Variants in LRRIQ3 observed in about 807,000 individuals in gnomAD.
LRRIQ3 encodes leucine-rich repeat and IQ domain-containing protein 3.
LRRIQ3 carries 75 observed loss-of-function variants against 59.3 expected under a neutral mutation model. The observed-to-expected ratio is 1.26, with a 90% CI of 1.05 to 1.53. The LOEUF (loss-of-function observed/expected upper bound fraction) is 1.53, where lower values mean the gene tolerates loss of function less well. Among genes scored for constraint, LRRIQ3 ranks in the 40% most tolerant of loss-of-function variants. The pLI, the probability that LRRIQ3 is intolerant of heterozygous loss-of-function variation, is 0.00. For synonymous variants in LRRIQ3, 250 were observed against 231.3 expected, an observed-to-expected ratio of 1.08 and a Z score of -0.73; for missense variants, 831 against 710.0, an observed-to-expected ratio of 1.17 and a Z score of -1.94.
chr1:74,147,188 C>T (rs954970375), intron 4 of LRRIQ3, among the ~76,000 whole-genome samples: 1 of 152,138 alleles, frequency 6.6e-6, no homozygotes, highest in African/African-American at 2.4e-5. Flanking sequence ...TAGATAACAC[C>T]ACTGCAGTCC....
chr1:74,153,505 A>C (rs899271980), intron 4 of LRRIQ3, among the ~76,000 whole-genome samples: 20 of 152,148 alleles, frequency 1.3e-4, no homozygotes, highest in Non-Finnish European at 2.9e-5. Context: ...CTTTCCATGC[A>C]TGAATCCAGA....
At chr1:74,118,378 ATCAC>A (rs1411127618) in intron 4 of LRRIQ3, among the ~76,000 whole-genome samples, 9 of 152,166 alleles carry the variant, frequency 5.9e-5, no homozygotes, top group South Asian at 2.1e-4. Flanking sequence ...CATTTCTGAA[ATCAC>A]TCAAATTAAA....
intron 5 of LRRIQ3, chr1:74,084,329 T>A: frequency 9.1e-7 from 1 of 1,100,054 alleles, no homozygotes; most frequent in Non-Finnish European, 1.3e-6. Flanking sequence ...TGGAGGACAG[T>A]GAGCTCAAGA....
chr1:74,083,223 T>C (rs528383426), intron 5 of LRRIQ3: 1 of 151,770 alleles, frequency 6.6e-6, no homozygotes, highest in South Asian at 2.1e-4. Flanking sequence ...TCAGTACAAA[T>C]CTTAGTCTGT....
rs1438249589 is a variant in LRRIQ3 at position 74,063,147 on chromosome 1, AC to A, written c.997+11513del. Among the ~76,000 whole-genome samples, 212 of 151,342 alleles carry A rather than the reference AC, an allele frequency of 1.4e-3. 1 individual carries two copies. The highest frequency in any genetic ancestry group is 2.1e-3 in the East Asian group (11 of 5,166). On this transcript the variant is annotated intron_variant, in intron 6 of 7. Transcript: ENST00000354431. ...AACAACAACAACAACAACAACAACAACAACAAAACGAGGAAGGGTGTTTCCT... is the reference window on the plus strand; with the variant it reads ...AACAACAACAACAACAACAACAACAAAACAAAACGAGGAAGGGTGTTTCCT...
chr1:74,055,571 A>G (rs1319863394), intron 6 of LRRIQ3, among the ~76,000 whole-genome samples: 1 of 152,150 alleles, frequency 6.6e-6, no homozygotes, highest in Admixed American at 6.6e-5. Flanking sequence ...CATATTCATT[A>G]TATGCCCAGG....
chr1:74,191,072 G>C (rs1010185236), intron 1 of LRRIQ3, among the ~76,000 whole-genome samples: 1 of 152,082 alleles, frequency 6.6e-6, no homozygotes, highest in Admixed American at 6.6e-5. Context: ...TGTTGAGTGT[G>C]TCTTTATCAG....
chr1:74,138,018 C>A lies in LRRIQ3; in HGVS notation c.707+17715G>T, dbSNP rs180933657. ...ATGATGGGTTGGTGGGTGCAGCAAA[C>A]CACCATGGCACGTGTATACCTGTAT... On this transcript the variant is annotated intron_variant, in intron 4 of 7. Coordinates refer to ENST00000354431, the MANE Select transcript of LRRIQ3 (RefSeq NM_001105659.2). Among the ~76,000 whole-genome samples, 186 of 151,808 alleles carry A rather than the reference C, an allele frequency of 1.2e-3. 2 individuals are homozygous for A. The highest frequency in any genetic ancestry group is 4.4e-3 in the African/African-American group (182 of 41,392).
At chr1:74,038,967 A>G (rs751322284) in intron 7 of LRRIQ3, among the ~76,000 whole-genome samples, 4 of 152,236 alleles carry the variant, frequency 2.6e-5, no homozygotes, top group Admixed American at 6.5e-5. Context: ...AACTGGACAG[A>G]GGATGAGATG....
intron 4 of LRRIQ3, among the ~76,000 whole-genome samples, chr1:74,115,449 G>A (rs780029414): frequency 6.6e-6 from 1 of 152,028 alleles, no homozygotes; most frequent in Non-Finnish European, 1.5e-5. Flanking sequence ...ATGAACTACT[G>A]GCTGGAGGAA....
chr1:74,159,694 T>C (rs563100655), intron 3 of LRRIQ3, among the ~76,000 whole-genome samples: 1 of 152,258 alleles, frequency 6.6e-6, no homozygotes, highest in Admixed American at 6.5e-5. Flanking sequence ...ACCTAGATTA[T>C]CCACATAGCT....
At chr1:74,195,629 C>A (rs566692267) in intron 1 of LRRIQ3, among the ~76,000 whole-genome samples, 3 of 152,250 alleles carry the variant, frequency 2.0e-5, no homozygotes, top group East Asian at 3.9e-4. Context: ...ATAAAAAGCC[C>A]AAATGCCTCC....
At chr1:74,155,284 A>C (rs916406851) in intron 4 of LRRIQ3, among the ~76,000 whole-genome samples, 1 of 152,248 alleles carries the variant, frequency 6.6e-6, no homozygotes. Flanking sequence ...AATTCTAGCA[A>C]AAAGGTTTCC....
rs114953641 is a variant in LRRIQ3 at position 74,138,695 on chromosome 1, A to T, written c.707+17038T>A. ...TTGGACTCAGAACATGTTGCAAGTT[A>T]TACTTGTAATGGGAGTATTTTTCAT... is the stretch of plus-strand genomic sequence containing the variant. On this transcript the variant is annotated intron_variant, in intron 4 of 7. Transcript: ENST00000354431. Among the ~76,000 whole-genome samples the T allele has an allele frequency of 4.2e-3, 639 of 152,100 alleles. 6 individuals are homozygous for T. The highest frequency in any genetic ancestry group is 0.015 in the African/African-American group (605 of 41,534).
intron 4 of LRRIQ3, among the ~76,000 whole-genome samples, chr1:74,135,134 T>A (rs934722294): frequency 5.9e-5 from 9 of 151,870 alleles, no homozygotes; most frequent in African/African-American, 1.9e-4. Context: ...GACTTTAAGA[T>A]AAAATATGTT....
chr1:74,177,074 T>C (rs1649686318), intron 3 of LRRIQ3, among the ~76,000 whole-genome samples: 1 of 152,220 alleles, frequency 6.6e-6, no homozygotes, highest in African/African-American at 2.4e-5. Context: ...TTCATTTAGA[T>C]AGAGAGAGCA....
chr1:74,185,579 T>C (rs1258399302), intron 1 of LRRIQ3, among the ~76,000 whole-genome samples: 3 of 152,220 alleles, frequency 2.0e-5, no homozygotes, highest in Admixed American at 2.0e-4. Context: ...AAAGTTTTTT[T>C]TTCCCATTCT....
intron 1 of LRRIQ3, among the ~76,000 whole-genome samples, chr1:74,184,775 A>G (rs1425060804): frequency 6.6e-6 from 1 of 152,134 alleles, no homozygotes; most frequent in Non-Finnish European, 1.5e-5. Flanking sequence ...CCTCAACTAC[A>G]AGTAAACCAG....
At chr1:74,082,148 A>G (rs1646279659) in intron 5 of LRRIQ3, 1 of 151,610 alleles carries the variant, frequency 6.6e-6, no homozygotes, top group South Asian at 2.1e-4. Context: ...TATTTAAATT[A>G]TGTCTTTTTC....
Sources: gnomAD v4.1 joint callset for allele counts (sites outside exome capture counted in the v4.1 genomes callset) on GRCh38, gnomAD v4.1.1 for gene constraint, MANE v1.5 for transcripts, NCBI Gene and HGNC (gene_info 2026-07-23, HGNC 2026-07-21) for gene names.